Variants in ZAP70 observed in about 807,000 individuals in gnomAD.
The protein encoded by ZAP70 is zeta chain of T cell receptor associated protein kinase 70.
ZAP70 carries 27 observed loss-of-function variants against 65.8 expected under a neutral mutation model. The observed-to-expected ratio is 0.41, with a 90% CI of 0.30 to 0.57. The LOEUF is 0.57. ZAP70 is among the 20% of genes least tolerant of loss of function. The pLI is 0.28. For synonymous variants in ZAP70, 363 were observed against 360.8 expected (o/e 1.01, Z -0.07); for missense variants, 696 against 870.5 (o/e 0.80, Z 2.52).
At position 97,739,359 on chromosome 2, in the gene ZAP70, A is replaced by AC. The variant is rs1314122150; in HGVS notation, c.1737-12dup. The AC allele has an allele frequency of 1.2e-6, 2 of 1,612,886 alleles. No individual in the cohort carries two copies. Among genetic ancestry groups the AC allele is most frequent in the East Asian group, 2.2e-5 (1 of 44,864 alleles). On this transcript the variant is annotated splice_polypyrimidine_tract_variant and intron_variant, in intron 13 of 13. Transcript: ENST00000264972. ...GGGGCGTGGTCAGCAGCCTGGATGT[A>AC]CCCCACGCCCCACAGGTGGGAGGAT...
In ZAP70 at chr2:97,724,425, C is replaced by A; in HGVS notation, c.389C>A (p.Thr130Lys). ...DAMVRDYVRQ[T>K]WKLEGEALEQ... The stretch of plus-strand genomic sequence containing the variant: ...ATGGTGCGTGACTACGTGCGCCAGA[C>A]GTGGAAGCTGGAGGTGAGAGCGCAG... Residue 130 changes from threonine (T) to lysine (K), a missense_variant, in exon 3 of 14, where the codon ACG (threonine) becomes AAG (lysine). Thr to Lys is a moderately conservative substitution (Grantham distance 78, BLOSUM62 -1). Transcript: ENST00000264972. 6.5e-7 allele frequency: 1 copy of A among 1,536,222 alleles called. No homozygotes were observed. The highest frequency in any genetic ancestry group is 1.2e-5 in the South Asian group (1 of 80,270).
At chr2:97,729,561 T>A (rs1461567887) in intron 4 of ZAP70, among the ~76,000 whole-genome samples, 1 of 152,192 alleles carries the variant, frequency 6.6e-6, no homozygotes, top group Non-Finnish European at 1.5e-5. Flanking sequence ...TTGTAGCCCT[T>A]TTGTTTTGTT....
chr2:97,719,944 C>T (rs1475360306), intron 2 of ZAP70, among the ~76,000 whole-genome samples: 3 of 152,110 alleles, frequency 2.0e-5, no homozygotes, highest in African/African-American at 7.2e-5. Context: ...AATTCGTAGC[C>T]CTTGGAACCT....
the ZAP70 span, among the ~76,000 whole-genome samples, chr2:97,751,874 T>G: frequency 4.6e-5 from 7 of 152,194 alleles, no homozygotes; most frequent in African/African-American, 1.7e-4. Context: ...GCACTAAGGG[T>G]GAGCACTTAG....
intron 10 of ZAP70, among the ~76,000 whole-genome samples, chr2:97,735,857 CAA>C: frequency 6.6e-6 from 1 of 152,112 alleles, no homozygotes; most frequent in East Asian, 1.9e-4. Flanking sequence ...ACTAAAAATA[CAA>C]AAGATTAGCT....
intron 8 of ZAP70, 188 bp downstream of exon 8, chr2:97,733,783 G>A (rs909751153): frequency 2.8e-6 from 2 of 708,710 alleles, no homozygotes; most frequent in Non-Finnish European, 4.9e-6. Flanking sequence ...GTACGTCCCA[G>A]TGTGTACTGA....
chr2:97,738,211 A>G, intron 13 of ZAP70, 104 bp downstream of exon 13: 1 of 1,177,708 alleles, frequency 8.5e-7, no homozygotes, highest in Non-Finnish European at 1.2e-6. Context: ...ATCTCACCCA[A>G]AGCCCTTCAC....
At position 97,737,953 on chromosome 2, in the gene ZAP70, G is replaced by A. The variant is rs1375845387; in HGVS notation, c.1624-42G>A. 5 of 1,614,014 alleles carry A rather than the reference G, an allele frequency of 3.1e-6. No individual in the cohort carries two copies. The highest frequency in any genetic ancestry group is 4.2e-6 in the Non-Finnish European group (5 of 1,179,888). On this transcript the variant is annotated intron_variant, in intron 12 of 13. Transcript: ENST00000264972. The surrounding 1 kb of genome is among the most constrained non-coding windows in gnomAD (Gnocchi z 5.0). ...TGGTGGGGAGGGGGATGAGGAGGAG[G>A]ACACTGGTCACTCACAGGTGTCTCT...
At chr2:97,718,208 G>A (rs141293935) in intron 2 of ZAP70, among the ~76,000 whole-genome samples, 402 of 152,262 alleles carry the variant, frequency 2.6e-3, no homozygotes, top group South Asian at 0.013. Flanking sequence ...TGTCTTCTGG[G>A]AGGGCCACGA....
the ZAP70 span, among the ~76,000 whole-genome samples, chr2:97,754,733 T>C: frequency 6.6e-6 from 1 of 152,200 alleles, no homozygotes; most frequent in Non-Finnish European, 1.5e-5. Flanking sequence ...TGAGGGTTTA[T>C]ATGAAGCTCA....
the ZAP70 span, among the ~76,000 whole-genome samples, chr2:97,755,815 A>T: frequency 6.6e-6 from 1 of 152,164 alleles, no homozygotes; most frequent in Non-Finnish European, 1.5e-5. Flanking sequence ...AGGCTGGTAA[A>T]GGTTGGCCAG....
At chr2:97,755,241 G>A in the ZAP70 span, among the ~76,000 whole-genome samples, 1 of 152,046 alleles carries the variant, frequency 6.6e-6, no homozygotes, top group Admixed American at 6.5e-5. Context: ...GGACCATGGA[G>A]GAGCTGAAAG....
At chr2:97,719,395 A>G (rs1677073823) in intron 2 of ZAP70, among the ~76,000 whole-genome samples, 1 of 151,812 alleles carries the variant, frequency 6.6e-6, no homozygotes, top group Non-Finnish European at 1.5e-5. Flanking sequence ...GAGGCAAGCC[A>G]GGGAGTTTGT....
chr2:97,729,360 A>G (rs1222011700), intron 4 of ZAP70, among the ~76,000 whole-genome samples: 1 of 152,234 alleles, frequency 6.6e-6, no homozygotes, highest in Non-Finnish European at 1.5e-5. Flanking sequence ...CTGTAGAGTC[A>G]GAAATGCATT....
At chr2:97,746,321 TTAAA>T in the ZAP70 span, among the ~76,000 whole-genome samples, 1 of 152,182 alleles carries the variant, frequency 6.6e-6, no homozygotes, top group Non-Finnish European at 1.5e-5. Context: ...ACAAATATTA[TTAAA>T]TATGTTTTAC....
intron 8 of ZAP70, 185 bp from the exon 9 acceptor site, chr2:97,734,335 C>A: frequency 7.0e-7 from 1 of 1,423,288 alleles, no homozygotes. Context: ...GCACCCACAG[C>A]TGTGGCCAGG....
rs562162104 is a variant in ZAP70, at chr2:97,716,960, A to G, written c.-22+2966A>G. Reference sequence around the variant, plus strand: ...TCGCTGCTGAGGCTGCACTGTGACCATGTGGTGGGTCCACGATTCCATGAT... The same window carrying G: ...TCGCTGCTGAGGCTGCACTGTGACCGTGTGGTGGGTCCACGATTCCATGAT... On this transcript the variant is annotated intron_variant, in intron 2 of 13. Coordinates refer to ENST00000264972, the MANE Select transcript of ZAP70 (RefSeq NM_001079.4). Among the ~76,000 whole-genome samples, 7 of 152,312 alleles carry G rather than the reference A, an allele frequency of 4.6e-5. No homozygotes were observed. In the South Asian group the frequency reaches 1.4e-3, roughly 32 times the overall value.
At position 97,725,082 on chromosome 2, in the gene ZAP70, C is replaced by T. The variant is rs766465030; in HGVS notation, c.403-10C>T. On this transcript the variant is annotated splice_polypyrimidine_tract_variant and intron_variant, in intron 3 of 13. Coordinates refer to ENST00000264972, the MANE Select transcript of ZAP70 (RefSeq NM_001079.4). ...CACACCTACAGACCTCCTCGCCTCT[C>T]CTTTTCTAGGGCGAGGCCCTGGAGC... The T allele has an allele frequency of 4.3e-6, 7 of 1,613,760 alleles. No individual in the cohort carries two copies. The highest frequency in any genetic ancestry group is 1.1e-5 in the South Asian group (1 of 91,084).
intron 4 of ZAP70, among the ~76,000 whole-genome samples, chr2:97,730,737 G>A (rs1677565310): frequency 6.6e-6 from 1 of 152,088 alleles, no homozygotes; most frequent in Non-Finnish European, 1.5e-5. Context: ...CAAATAAGGA[G>A]GAAATTATTA....
Sources: gnomAD v4.1 joint callset for allele counts (sites outside exome capture counted in the v4.1 genomes callset) on GRCh38, gnomAD v4.1.1 for gene constraint, Gnocchi (gnomAD v3.1) non-coding constraint, MANE v1.5 for transcripts, NCBI Gene and HGNC (gene_info 2026-07-23, HGNC 2026-07-21) for gene names.